Variants in RPP30 observed in about 807,000 individuals in gnomAD.
RPP30 encodes ribonuclease P protein subunit p30.
RPP30 carries 36 observed loss-of-function variants against 38.6 expected under a neutral mutation model. That is an observed-to-expected ratio of 0.93 (90% CI 0.71 to 1.23). The LOEUF (loss-of-function observed/expected upper bound fraction) is 1.23, where lower values mean the gene tolerates loss of function less well. Among genes scored for constraint, RPP30 ranks in the 50% most tolerant of loss-of-function variants. RPP30 has a pLI of 0.00. For synonymous variants in RPP30, 126 were observed against 112.7 expected, an observed-to-expected ratio of 1.12 and a Z score of -0.75; for missense variants, 321 against 321.7, an observed-to-expected ratio of 1.00 and a Z score of 0.02.
intron 5 of RPP30, among the ~76,000 whole-genome samples, chr10:90,885,581 A>G (rs1846989117): frequency 6.6e-6 from 1 of 152,224 alleles, no homozygotes; most frequent in Non-Finnish European, 1.5e-5. Context: ...CTATCTTTTG[A>G]GAAAGTCTGT....
At chr10:90,894,440 C>T (rs1847116649) in intron 6 of RPP30, among the ~76,000 whole-genome samples, 1 of 152,060 alleles carries the variant, frequency 6.6e-6, no homozygotes, top group Admixed American at 6.6e-5. Context: ...GTAGGGAGTA[C>T]ATTTCTGTTT....
intron 6 of RPP30, among the ~76,000 whole-genome samples, chr10:90,893,093 G>T (rs11186353): frequency 6.6e-6 from 1 of 152,108 alleles, no homozygotes; most frequent in African/African-American, 2.4e-5. Flanking sequence ...GAGAGGGAAA[G>T]GTTGCAGTGT....
downstream of RPP30, chr10:90,903,223 C>T (rs368118624): frequency 6.2e-7 from 1 of 1,608,712 alleles, no homozygotes; most frequent in Non-Finnish European, 8.5e-7. Flanking sequence ...AACTTTTGAT[C>T]TCTCATCAGA....
At chr10:90,880,112 T>G (rs1846903952) in intron 5 of RPP30, 1 of 151,724 alleles carries the variant, frequency 6.6e-6, no homozygotes, top group Non-Finnish European at 1.5e-5. Context: ...TAACTGATTG[T>G]GAATAGTCAA....
chr10:90,881,053 G>C (rs917731981), intron 5 of RPP30, among the ~76,000 whole-genome samples: 30 of 152,176 alleles, frequency 2.0e-4, no homozygotes, highest in Non-Finnish European at 4.0e-4. Flanking sequence ...TTGTGATTTA[G>C]AATAAAAGTT....
intron 4 of RPP30, among the ~76,000 whole-genome samples, chr10:90,877,620 CAAA>C (rs763564852): frequency 1.5e-5 from 2 of 134,574 alleles, no homozygotes; most frequent in African/African-American, 5.5e-5. Context: ...AGCAGACAGG[CAAA>C]AAAAAAAAAA....
At chr10:90,876,584 C>T (rs1394735315) in intron 4 of RPP30, among the ~76,000 whole-genome samples, 1 of 152,090 alleles carries the variant, frequency 6.6e-6, no homozygotes, top group Non-Finnish European at 1.5e-5. Context: ...AAATAGGTGA[C>T]AAGCAGGGAG....
intron 5 of RPP30, among the ~76,000 whole-genome samples, chr10:90,882,483 G>GA (rs1410178300): frequency 8.0e-5 from 12 of 150,698 alleles, no homozygotes; most frequent in African/African-American, 2.7e-4. Context: ...CTAACACGGT[G>GA]AAACCCCGAC....
intron 6 of RPP30, among the ~76,000 whole-genome samples, chr10:90,886,239 A>G (rs909915574): frequency 1.3e-5 from 2 of 152,192 alleles, no homozygotes; most frequent in African/African-American, 4.8e-5. Context: ...AGAGGAAGGG[A>G]AAAAATAAAA....
intron 6 of RPP30, among the ~76,000 whole-genome samples, chr10:90,886,268 C>T (rs1589497687): frequency 6.6e-6 from 1 of 152,142 alleles, no homozygotes; most frequent in Non-Finnish European, 1.5e-5. Context: ...ATCCTTGAGG[C>T]ACCAGGAAGC....
downstream of RPP30, among the ~76,000 whole-genome samples, chr10:90,902,873 G>T (rs1847218896): frequency 6.6e-6 from 1 of 152,192 alleles, no homozygotes; most frequent in Non-Finnish European, 1.5e-5. Flanking sequence ...ACTTCCTTGT[G>T]TGCCAGTTTG....
intron 1 of RPP30, 168 bp downstream of exon 1, chr10:90,872,236 A>C: frequency 1.6e-6 from 1 of 633,772 alleles, no homozygotes; most frequent in Admixed American, 2.8e-5. Context: ...CTAGCGCGGG[A>C]AACTCGAAGG....
intron 6 of RPP30, among the ~76,000 whole-genome samples, chr10:90,890,413 T>C (rs374739016): frequency 2.6e-5 from 4 of 152,248 alleles, no homozygotes; most frequent in South Asian, 2.1e-4. Context: ...AGGGATCTTA[T>C]ATGTTTTACA....
chr10:90,886,109 T>C lies in RPP30; in HGVS notation c.432+208T>C, dbSNP rs1289295330. Among the ~76,000 whole-genome samples, 5 of 152,198 alleles carry C rather than the reference T, an allele frequency of 3.3e-5. No homozygotes were observed. The East Asian group carries it at 9.6e-4, about 29-fold the overall frequency. ...AAATATCCAGTTAATTATTAAGATG[T>C]TTTTAAAAGGCCATAGAACCCAAAA... is the stretch of plus-strand genomic sequence containing the variant. On this transcript the variant is annotated intron_variant, in intron 6 of 10. Coordinates refer to ENST00000371703, the MANE Select transcript of RPP30 (RefSeq NM_006413.5).
chr10:90,901,550 C>G lies in RPP30; in HGVS notation c.*871C>G. 2 of 985,292 alleles carry G rather than the reference C, an allele frequency of 2.0e-6. No individual in the cohort carries two copies. Among genetic ancestry groups the G allele is most frequent in the Non-Finnish European group, 2.4e-6 (2 of 829,858 alleles). The allele number at this position is 985,292 out of a possible 1,614,324, so 61.0% of individuals were successfully genotyped here. Reference sequence around the variant, plus strand: ...AAGGTCTTTGAAATAGGATTCCTTACTTTTAGTTAGAAACCCCTAAAACGC... The same window carrying G: ...AAGGTCTTTGAAATAGGATTCCTTAGTTTTAGTTAGAAACCCCTAAAACGC... On this transcript the variant is annotated 3_prime_UTR_variant, in exon 11 of 11. Transcript: ENST00000371703.
chr10:90,907,128 C>A (rs762097942), downstream of RPP30, among the ~76,000 whole-genome samples: 9 of 152,116 alleles, frequency 5.9e-5, no homozygotes, highest in Non-Finnish European at 1.3e-4. Flanking sequence ...GTGTACCCTC[C>A]CAGCTCTTTA....
intron 6 of RPP30, among the ~76,000 whole-genome samples, chr10:90,890,504 G>A (rs1847067292): frequency 6.6e-6 from 1 of 152,098 alleles, no homozygotes; most frequent in African/African-American, 2.4e-5. Context: ...TCCCCACTGA[G>A]AGATGTTTAG....
In RPP30 at chr10:90,894,777, G is replaced by A. The variant is rs372744082; in HGVS notation, c.435G>A (p.Ala145=). The change falls in exon 7 of 11, where the codon GCG becomes GCA. Residue 145 remains alanine, a splice_region_variant and synonymous_variant. Transcript: ENST00000371703. ...FYFKRPPINV[A]IDRGLAFELV... ...AGTTCTCTTTATTTCCTGTGAAGGC[G>A]ATTGACCGAGGCCTGGCTTTTGAAC... 9.9e-6 allele frequency: 16 copies of A among 1,609,828 alleles called. No homozygotes were observed. The highest frequency in any genetic ancestry group is 4.5e-5 in the East Asian group (2 of 44,842).
intron 9 of RPP30, 32 bp from the exon 10 acceptor site, chr10:90,896,280 AC>A: frequency 1.9e-6 from 3 of 1,593,576 alleles, no homozygotes; most frequent in Non-Finnish European, 2.6e-6. Context: ...TCCTTGGGTG[AC>A]TCTGGGTTGA....
Sources: allele counts gnomAD v4.1 joint callset (sites outside exome capture counted in the v4.1 genomes callset), GRCh38; gene constraint gnomAD v4.1.1; transcripts MANE v1.5; gene names NCBI Gene and HGNC (gene_info 2026-07-23, HGNC 2026-07-21).